TNIK: variants seen among roughly 807,000 people sequenced by gnomAD.
TNIK encodes TRAF2 and NCK interacting kinase.
A neutral mutation model predicts 191.3 loss-of-function variants in TNIK; 49 were observed. The ratio of observed to expected loss-of-function variants is 0.26; its 90% CI spans 0.20 to 0.32. The LOEUF is 0.32. Ranked by LOEUF, TNIK falls within the 10% of genes least tolerant of loss-of-function variation. The probability of loss-of-function intolerance (pLI) is 1.00; values close to 1 mark genes in which losing one functional copy is unlikely to be tolerated. For synonymous variants in TNIK, 594 were observed against 600.9 expected, an observed-to-expected ratio of 0.99 and a Z score of 0.17; for missense variants, 1,155 against 1,702.3, an observed-to-expected ratio of 0.68 and a Z score of 5.66.
Position 171,085,119 on chromosome 3 carries a change from T to C in TNIK, c.2997A>G (p.Ala999=). ...EDEEDEESSA[A]ALFTSELLRQ... is the part of the protein sequence containing the mutation. ...AAACACAGGGCCCTTCTTGCTTACC[T>C]GCGGCTGATGATTCCTCATCCTCTT... The change falls in exon 25 of 33, where the codon GCA becomes GCG. Residue 999 remains alanine (A), a splice_region_variant and synonymous_variant. Coordinates refer to ENST00000436636, the MANE Select transcript of TNIK (RefSeq NM_015028.4). The C allele has an allele frequency of 6.2e-7, 1 of 1,604,570 alleles. No homozygotes were observed. Among genetic ancestry groups the C allele is most frequent in the Non-Finnish European group, 8.5e-7 (1 of 1,175,372 alleles).
At chr3:171,270,873 A>G (rs1330553471) in intron 2 of TNIK, among the ~76,000 whole-genome samples, 1 of 152,256 alleles carries the variant, frequency 6.6e-6, no homozygotes, top group Non-Finnish European at 1.5e-5. Context: ...TAAAGTGATT[A>G]CAACAGAGTC....
intron 28 of TNIK, among the ~76,000 whole-genome samples, chr3:171,076,677 A>G (rs1719995225): frequency 6.6e-6 from 1 of 152,308 alleles, no homozygotes; most frequent in East Asian, 1.9e-4. Flanking sequence ...TAAAAAGCCA[A>G]AGAACTCTAG....
chr3:171,090,169 A>G (rs1322805561), intron 23 of TNIK, among the ~76,000 whole-genome samples: 3 of 152,160 alleles, frequency 2.0e-5, no homozygotes, highest in Non-Finnish European at 4.4e-5. Flanking sequence ...CTCTACAAAG[A>G]GAGAGAAGAG....
At chr3:171,409,342 C>T (rs558516955) in intron 1 of TNIK, among the ~76,000 whole-genome samples, 4 of 152,110 alleles carry the variant, frequency 2.6e-5, no homozygotes, top group East Asian at 1.9e-4. Flanking sequence ...GCAAAGTGTC[C>T]GGCACATGGA....
chr3:171,333,635 A>C (rs1415328750), intron 2 of TNIK, among the ~76,000 whole-genome samples: 4 of 151,242 alleles, frequency 2.6e-5, no homozygotes, highest in Admixed American at 2.0e-4. Context: ...TTCCCACGGC[A>C]ATAATTGGAA....
At chr3:171,185,766 A>G (rs1737285556) in intron 7 of TNIK, among the ~76,000 whole-genome samples, 1 of 152,264 alleles carries the variant, frequency 6.6e-6, no homozygotes, top group Non-Finnish European at 1.5e-5. Flanking sequence ...CATCTTAGAC[A>G]CATCAAAAAA....
In TNIK at chr3:171,341,459, G is replaced by A. The variant is rs188567345; in HGVS notation, c.123+28161C>T. Among the ~76,000 whole-genome samples the A allele has an allele frequency of 8.9e-3, 914 of 102,562 alleles. 9 individuals carry two copies. The highest frequency in any genetic ancestry group is 0.034 in the African/African-American group (865 of 25,744). The allele number at this position is 102,562 out of a possible 152,430, so 67.3% of individuals were successfully genotyped here. A position where few individuals can be genotyped will look rare whatever the true frequency, so the allele number is the denominator to read the frequency against. On this transcript the variant is annotated intron_variant, in intron 2 of 32. Transcript: ENST00000436636. ...TGCACTCCAGCCTGGCCGACAGAGC[G>A]AGACTCTGTCTCAAAAAAAAAAAAA...
At position 171,382,218 on chromosome 3, in the gene TNIK, C is replaced by CTT. The variant is rs63626462; in HGVS notation, c.58-12535_58-12534dup. 5.7e-3 allele frequency among the ~76,000 whole-genome samples: 567 copies of CTT among 99,134 alleles called. 35 individuals are homozygous for CTT. Among genetic ancestry groups the CTT allele is most frequent in the African/African-American group, 7.7e-3 (204 of 26,450 alleles). 65.0% of individuals were successfully genotyped at this position (99,134 alleles called of 152,430 possible). A position where few individuals can be genotyped will look rare whatever the true frequency, so the allele number is the denominator to read the frequency against. The stretch of plus-strand genomic sequence containing the variant: ...CAGTCTCTAAGGTTGTTGAATACAT[C>CTT]TTTTTTTTTTTTTTTTTTTTTTGAG... On this transcript the variant is annotated intron_variant, in intron 1 of 32. Transcript: ENST00000436636.
intron 1 of TNIK, among the ~76,000 whole-genome samples, chr3:171,404,646 T>C (rs1721429771): frequency 6.6e-6 from 1 of 152,152 alleles, no homozygotes; most frequent in South Asian, 2.1e-4. Flanking sequence ...TAAGTTCTTA[T>C]ATATTCTCTC....
rs370967135 is a variant in TNIK at position 171,105,759 on chromosome 3, C to G, written c.2406+1424G>C. ...GAGAGCCTTTTCCTTAATGACGGCC[C>G]CTCCAAGCCAATTTCTGAACTCATG... On this transcript the variant is annotated intron_variant, in intron 21 of 32. Transcript: ENST00000436636. Among the ~76,000 whole-genome samples, 3 of 152,270 alleles carry G rather than the reference C, an allele frequency of 2.0e-5. No individual in the cohort carries two copies. The South Asian group carries it at 6.2e-4, about 32-fold the overall frequency.
chr3:171,087,254 G>A lies in TNIK; in HGVS notation c.2886+88C>T, dbSNP rs191850696. On this transcript the variant is annotated intron_variant, in intron 24 of 32. Coordinates refer to ENST00000436636, the MANE Select transcript of TNIK (RefSeq NM_015028.4). ...CAACCAAACAAGTTTCAAGGAGCTT[G>A]GCGAAGCCTCATTCTTGAAGAGATC... 15 of 1,549,568 alleles carry A rather than the reference G, an allele frequency of 9.7e-6. No individual in the cohort carries two copies. In the East Asian group the frequency reaches 2.9e-4, roughly 30 times the overall value.
intron 19 of TNIK, among the ~76,000 whole-genome samples, 167 bp downstream of exon 19, chr3:171,110,547 G>A (rs1348604380): frequency 6.6e-6 from 1 of 152,350 alleles, no homozygotes; most frequent in East Asian, 1.9e-4. Flanking sequence ...ATTAGGGACA[G>A]TGGCCCACTC....
intron 18 of TNIK, among the ~76,000 whole-genome samples, chr3:171,122,158 T>C (rs1727839961): frequency 6.6e-6 from 1 of 152,232 alleles, no homozygotes; most frequent in South Asian, 2.1e-4. Flanking sequence ...ATGATGGTAA[T>C]TCTCTTTTTG....
intron 1 of TNIK, among the ~76,000 whole-genome samples, chr3:171,436,606 T>C (rs1357576207): frequency 6.6e-6 from 1 of 152,218 alleles, no homozygotes; most frequent in Non-Finnish European, 1.5e-5. Flanking sequence ...GTCATTTTCC[T>C]TCCTGTGACT....
At chr3:171,355,076 C>T (rs779225563) in intron 2 of TNIK, among the ~76,000 whole-genome samples, 15 of 152,126 alleles carry the variant, frequency 9.9e-5, no homozygotes, top group Non-Finnish European at 1.3e-4. Flanking sequence ...GCTGATTAAC[C>T]GTAGGCATTC....
intron 2 of TNIK, among the ~76,000 whole-genome samples, chr3:171,232,840 C>T (rs957288507): frequency 6.6e-6 from 1 of 152,210 alleles, no homozygotes; most frequent in African/African-American, 2.4e-5. Flanking sequence ...ATCCAAATCA[C>T]TCAAGTACGA....
At position 171,111,748 on chromosome 3, in the gene TNIK, A is replaced by G. The variant is rs190285462; in HGVS notation, c.2121-871T>C. 9.0e-4 allele frequency among the ~76,000 whole-genome samples: 137 copies of G among 152,364 alleles called. 2 individuals are homozygous for G. The highest frequency in any genetic ancestry group is 6.5e-3 in the Admixed American group (100 of 15,310). ...CAGCACTATTCACAGTAGCCACAAT[A>G]TGGAATCAACCTAAGTGTGTGTCCA... On this transcript the variant is annotated intron_variant, in intron 18 of 32. Coordinates refer to ENST00000436636, the MANE Select transcript of TNIK (RefSeq NM_015028.4).
rs372725481 is a variant in TNIK at position 171,342,144 on chromosome 3, T to C, written c.123+27476A>G. ...AGACTAGATCTGAAACTATAAAGCT[T>C]TTAAAGCTGTCAAACTTTAGTGTGC... On this transcript the variant is annotated intron_variant, in intron 2 of 32. Coordinates refer to ENST00000436636, the MANE Select transcript of TNIK (RefSeq NM_015028.4). 6.4e-4 allele frequency among the ~76,000 whole-genome samples: 98 copies of C among 152,322 alleles called. No individual in the cohort carries two copies. In the Middle Eastern group the frequency reaches 0.014, roughly 21 times the overall value.
chr3:171,103,574 TAATGAA>T (rs1175623057), intron 21 of TNIK, among the ~76,000 whole-genome samples: 3 of 152,114 alleles, frequency 2.0e-5, no homozygotes, highest in Non-Finnish European at 4.4e-5. Context: ...ACCAGTGAAA[TAATGAA>T]AAATTAGATA....
Sources: gnomAD v4.1 joint callset for allele counts (sites outside exome capture counted in the v4.1 genomes callset) on GRCh38, gnomAD v4.1.1 for gene constraint, MANE v1.5 for transcripts, NCBI Gene and HGNC (gene_info 2026-07-23, HGNC 2026-07-21) for gene names.